Variants in C1QTNF3 observed in about 807,000 individuals in gnomAD.
C1QTNF3 encodes C1q and TNF related 3, also known as complement C1q tumor necrosis factor-related protein 3.
In C1QTNF3, 26 loss-of-function variants were observed where a neutral mutation model predicts 32.6. That is an observed-to-expected ratio of 0.80 (90% CI 0.58 to 1.11). The LOEUF (loss-of-function observed/expected upper bound fraction) is 1.11, where lower values mean the gene tolerates loss of function less well. C1QTNF3 is among the 50% of genes least tolerant of loss of function. The pLI is 0.00. For missense variants in C1QTNF3, 362 were observed against 398.2 expected, an observed-to-expected ratio of 0.91 and a Z score of 0.77; for synonymous variants, 155 against 146.0, an observed-to-expected ratio of 1.06 and a Z score of -0.44.
the C1QTNF3 span, among the ~76,000 whole-genome samples, chr5:34,073,567 C>T: frequency 1.3e-5 from 2 of 152,032 alleles, no homozygotes; most frequent in Non-Finnish European, 2.9e-5. Context: ...ACACACATTC[C>T]CCAGACTACA....
the C1QTNF3 span, among the ~76,000 whole-genome samples, chr5:34,116,649 C>T: frequency 4.0e-5 from 6 of 151,208 alleles, no homozygotes; most frequent in African/African-American, 1.5e-4. Context: ...GGCTGGAGTG[C>T]AGAGATGCTA....
chr5:34,131,763 AGG>A, the C1QTNF3 span, among the ~76,000 whole-genome samples: 1 of 152,224 alleles, frequency 6.6e-6, no homozygotes, highest in Non-Finnish European at 1.5e-5. Flanking sequence ...AATTGCTAGA[AGG>A]GGTATACTGA....
the C1QTNF3 span, among the ~76,000 whole-genome samples, chr5:34,163,412 C>CTA: frequency 6.6e-6 from 1 of 151,896 alleles, no homozygotes; most frequent in South Asian, 2.1e-4. Context: ...AAAGATGCTA[C>CTA]TATAGTTTTG....
the C1QTNF3 span, among the ~76,000 whole-genome samples, chr5:34,235,702 A>G: frequency 1.3e-5 from 2 of 151,210 alleles, no homozygotes; most frequent in African/African-American, 2.4e-5. Context: ...AGTTTCAATA[A>G]TTTTTTTTCA....
At chr5:34,165,592 G>A in the C1QTNF3 span, 1 of 151,952 alleles carries the variant, frequency 6.6e-6, no homozygotes, top group South Asian at 2.1e-4. Flanking sequence ...GCCATCACTT[G>A]TAAAATTATT....
At chr5:34,077,959 A>G in the C1QTNF3 span, among the ~76,000 whole-genome samples, 2 of 151,826 alleles carry the variant, frequency 1.3e-5, no homozygotes, top group Admixed American at 1.3e-4. Flanking sequence ...AGAGGACTGC[A>G]GCATTAAATA....
At chr5:34,024,255 T>C in intron 4 of C1QTNF3, 1 of 409,804 alleles carries the variant, frequency 2.4e-6, no homozygotes, top group South Asian at 2.6e-5. Flanking sequence ...GCCTACCTCA[T>C]TTTAACTGTA....
the C1QTNF3 span, among the ~76,000 whole-genome samples, chr5:34,111,040 C>CT: frequency 6.6e-6 from 1 of 152,168 alleles, no homozygotes; most frequent in African/African-American, 2.4e-5. Flanking sequence ...TTCTTACGGT[C>CT]TCACTTCTTT....
At chr5:34,079,245 C>T in the C1QTNF3 span, among the ~76,000 whole-genome samples, 4 of 151,574 alleles carry the variant, frequency 2.6e-5, no homozygotes, top group Non-Finnish European at 4.4e-5. Flanking sequence ...CTAGAAACTA[C>T]AAGACATGGA....
chr5:34,203,769 G>C, the C1QTNF3 span, among the ~76,000 whole-genome samples: 1 of 150,392 alleles, frequency 6.6e-6, no homozygotes, highest in Non-Finnish European at 1.5e-5. Flanking sequence ...GAAACATATA[G>C]ACACATACAG....
At chr5:34,195,536 T>C in the C1QTNF3 span, among the ~76,000 whole-genome samples, 6 of 152,220 alleles carry the variant, frequency 3.9e-5, no homozygotes, top group African/African-American at 1.4e-4. Flanking sequence ...TGCATGTTTG[T>C]GTTCCCTCAA....
the C1QTNF3 span, among the ~76,000 whole-genome samples, chr5:34,140,069 C>T: frequency 6.6e-6 from 1 of 152,152 alleles, no homozygotes; most frequent in African/African-American, 2.4e-5. Flanking sequence ...GGCACACTGT[C>T]ACAATGGAAG....
chr5:34,067,564 T>C, the C1QTNF3 span, among the ~76,000 whole-genome samples: 3 of 152,116 alleles, frequency 2.0e-5, no homozygotes, highest in Non-Finnish European at 4.4e-5. Context: ...AACCATCAGA[T>C]CTCATGAGAC....
At chr5:34,041,146 G>A (rs1424688718) in intron 1 of C1QTNF3, among the ~76,000 whole-genome samples, 2 of 152,084 alleles carry the variant, frequency 1.3e-5, no homozygotes, top group Non-Finnish European at 1.5e-5. Context: ...CAAAGAAGAG[G>A]GACAGGGGAA....
At chr5:34,045,932 T>A (rs944212033), upstream of C1QTNF3, among the ~76,000 whole-genome samples, 7 of 152,106 alleles carry the variant, frequency 4.6e-5, no homozygotes, top group African/African-American at 1.7e-4. Context: ...TATGACCTAT[T>A]TAAAAATAGG....
chr5:34,112,487 C>A, the C1QTNF3 span, among the ~76,000 whole-genome samples: 2 of 132,994 alleles, frequency 1.5e-5, no homozygotes, highest in Admixed American at 1.6e-4. Context: ...TAAGGATACT[C>A]CATCTCTACC....
the C1QTNF3 span, among the ~76,000 whole-genome samples, chr5:34,057,045 G>T: frequency 2.6e-5 from 4 of 152,136 alleles, no homozygotes; most frequent in African/African-American, 9.7e-5. Context: ...ATAATGTTCA[G>T]GAATCTGTGA....
At position 34,025,375 on chromosome 5, in the gene C1QTNF3, G is replaced by A. The variant is rs140447037; in HGVS notation, c.701-1367C>T. On this transcript the variant is annotated intron_variant, in intron 4 of 5. Transcript: ENST00000382065. ...AAAATGATGACTACTATTAAAAATA[G>A]GTTGCAAAAACATGTTAGAAAGAGG... 2.6e-5 allele frequency among the ~76,000 whole-genome samples: 4 copies of A among 152,262 alleles called. No homozygotes were observed. The South Asian group carries it at 8.3e-4, about 32-fold the overall frequency.
chr5:34,159,167 ATATT>A, the C1QTNF3 span, among the ~76,000 whole-genome samples: 1 of 129,056 alleles, frequency 7.7e-6, no homozygotes, highest in Non-Finnish European at 1.8e-5. Context: ...CTATCTGATC[ATATT>A]TATTTCAGAA....
Sources: allele counts gnomAD v4.1 joint callset (sites outside exome capture counted in the v4.1 genomes callset), GRCh38; gene constraint gnomAD v4.1.1; transcripts MANE v1.5; gene names NCBI Gene and HGNC (gene_info 2026-07-23, HGNC 2026-07-21).